LIN7A: variants seen among roughly 807,000 people sequenced by gnomAD.
LIN7A encodes lin-7 cell polarity scaffold A, also known as protein lin-7 homolog A.
Under a neutral mutation model 29.8 loss-of-function variants are expected in LIN7A, and 25 were observed. The ratio of observed to expected loss-of-function variants is 0.84; its 90% confidence interval spans 0.61 to 1.17. The LOEUF (loss-of-function observed/expected upper bound fraction) is 1.17, where lower values mean the gene tolerates loss of function less well. Among genes scored for constraint, LIN7A ranks in the 50% most tolerant of loss-of-function variants. The pLI is 0.00. For missense variants in LIN7A, 239 were observed against 287.0 expected, an observed-to-expected ratio of 0.83 and a Z score of 1.21; for synonymous variants, 118 against 107.5, an observed-to-expected ratio of 1.10 and a Z score of -0.60.
At chr12:80,893,722 T>C (rs1875742812) in intron 1 of LIN7A, among the ~76,000 whole-genome samples, 1 of 152,182 alleles carries the variant, frequency 6.6e-6, no homozygotes, top group Non-Finnish European at 1.5e-5. Flanking sequence ...AGCATCTCTT[T>C]CCTCGTGGCA....
In LIN7A at chr12:80,881,723, T is replaced by G. The variant is rs576850457; in HGVS notation, c.201+7528A>C. On this transcript the variant is annotated intron_variant, in intron 2 of 5. Transcript: ENST00000552864. ...CTGTATATGATCTTTAACTAAAATA[T>G]CCCTTTTATAACGTGATCTGAAATA... Among the ~76,000 whole-genome samples the G allele has an allele frequency of 3.3e-5, 5 of 152,242 alleles. No homozygotes were observed. In the East Asian group the frequency reaches 9.7e-4, roughly 29 times the overall value.
chr12:80,827,731 A>AC (rs1482212228), intron 4 of LIN7A, among the ~76,000 whole-genome samples: 2 of 151,494 alleles, frequency 1.3e-5, no homozygotes, highest in African/African-American at 2.4e-5. Context: ...TGTTTTAATA[A>AC]CCCCCCACCC....
In LIN7A at chr12:80,848,313, A is replaced by G; in HGVS notation, c.211T>C (p.Tyr71His). The G allele has an allele frequency of 6.2e-7, 1 of 1,608,004 alleles. No homozygotes were observed. The highest frequency in any genetic ancestry group is 1.1e-5 in the South Asian group (1 of 90,962). ...FCTAIREVYQ[Y>H]MHETITVNGC... ...TTAACAGTTATCGTTTCATGCATAT[A>G]TTGATACACCTAAAATGTTCACATA... The change falls in exon 3 of 6, where the codon TAT becomes CAT. Residue 71 changes from tyrosine (Y) to histidine (H), a missense_variant. Transcript: ENST00000552864.
chr12:80,905,300 C>T (rs1876421081), intron 1 of LIN7A, among the ~76,000 whole-genome samples: 1 of 152,078 alleles, frequency 6.6e-6, no homozygotes, highest in Non-Finnish European at 1.5e-5. Context: ...AGCAATTCTC[C>T]TGTCTCAGCC....
intron 4 of LIN7A, chr12:80,842,264 G>A (rs2121544733): frequency 2.2e-6 from 1 of 454,746 alleles, no homozygotes; most frequent in South Asian, 3.6e-5. Flanking sequence ...ATATATTTCT[G>A]TCCTATTTAA....
chr12:80,899,004 T>A (rs1323036163), intron 1 of LIN7A, among the ~76,000 whole-genome samples: 1 of 151,952 alleles, frequency 6.6e-6, no homozygotes. Flanking sequence ...TTGCTCGGGC[T>A]AATCCAGTAC....
intron 5 of LIN7A, among the ~76,000 whole-genome samples, chr12:80,801,380 G>T (rs1042387035): frequency 6.6e-6 from 1 of 152,062 alleles, no homozygotes; most frequent in African/African-American, 2.4e-5. Flanking sequence ...TTCCACTACC[G>T]CTACTCGTTT....
chr12:80,875,595 T>G (rs1565910901), intron 2 of LIN7A, among the ~76,000 whole-genome samples: 3 of 152,220 alleles, frequency 2.0e-5, no homozygotes, highest in Non-Finnish European at 1.5e-5. Flanking sequence ...AATGTTAGCA[T>G]GTTTTGTCTG....
In LIN7A at chr12:80,812,498, A is replaced by C. The variant is rs149881243; in HGVS notation, c.484-815T>G. ...AAAGGCAAACCAGAAAAACAGTTTC[A>C]GTATGTGACTGTCATATACTTAGTG... is the stretch of plus-strand genomic sequence containing the variant. On this transcript the variant is annotated intron_variant, in intron 4 of 5. Transcript: ENST00000552864. Among the ~76,000 whole-genome samples the C allele has an allele frequency of 2.2e-3, 331 of 149,306 alleles. 2 individuals carry two copies. The highest frequency in any genetic ancestry group is 7.7e-3 in the African/African-American group (313 of 40,808).
intron 4 of LIN7A, among the ~76,000 whole-genome samples, chr12:80,833,695 T>C (rs1334428667): frequency 6.6e-6 from 1 of 152,240 alleles, no homozygotes; most frequent in Non-Finnish European, 1.5e-5. Context: ...GTTTCTTATA[T>C]GTTTCTGTAG....
chr12:80,852,915 C>T (rs192193260), intron 2 of LIN7A, among the ~76,000 whole-genome samples: 10 of 152,226 alleles, frequency 6.6e-5, no homozygotes, highest in African/African-American at 1.9e-4. Flanking sequence ...GCGTTACTCT[C>T]GTGGTGCAAG....
At position 80,797,024 on chromosome 12, in the gene LIN7A, A is replaced by C. The variant is rs149096496; in HGVS notation, c.*703T>G. On this transcript the variant is annotated 3_prime_UTR_variant, in exon 6 of 6. Coordinates refer to ENST00000552864, the MANE Select transcript of LIN7A (RefSeq NM_004664.4). ...GTTGGAATTAATAATAATAGATACA[A>C]GCAATAATTAAAAACTACAGTGCTA... is the stretch of plus-strand genomic sequence containing the variant. 21 of 152,282 alleles carry C rather than the reference A, an allele frequency of 1.4e-4. No individual in the cohort carries two copies. Among genetic ancestry groups the C allele is most frequent in the Admixed American group, 4.6e-4 (7 of 15,300 alleles). 9.4% of individuals were successfully genotyped at this position (152,282 alleles called of 1,614,324 possible). A position where few individuals can be genotyped will look rare whatever the true frequency, so the allele number is the denominator to read the frequency against.
chr12:80,836,591 T>C (rs1476543507), intron 4 of LIN7A, among the ~76,000 whole-genome samples: 6 of 151,880 alleles, frequency 4.0e-5, no homozygotes, highest in Non-Finnish European at 8.8e-5. Context: ...GGAGGCAGAG[T>C]TTGCAGTGAG....
At chr12:80,906,346 T>C (rs1248781721) in intron 1 of LIN7A, among the ~76,000 whole-genome samples, 1 of 152,248 alleles carries the variant, frequency 6.6e-6, no homozygotes, top group Non-Finnish European at 1.5e-5. Flanking sequence ...GGGCTTTAAC[T>C]AGCAGCAAGT....
At chr12:80,902,324 T>C (rs1305759254) in intron 1 of LIN7A, among the ~76,000 whole-genome samples, 1 of 151,976 alleles carries the variant, frequency 6.6e-6, no homozygotes, top group Non-Finnish European at 1.5e-5. Context: ...TCTTTTTGCT[T>C]AGGATTGCTT....
intron 2 of LIN7A, among the ~76,000 whole-genome samples, chr12:80,868,148 G>GATAAAGTT (rs1874236178): frequency 5.9e-5 from 9 of 152,112 alleles, no homozygotes; most frequent in Non-Finnish European, 1.2e-4. Context: ...GTTGCCTCCC[G>GATAAAGTT]CAAGAGTGTA....
intron 2 of LIN7A, among the ~76,000 whole-genome samples, chr12:80,877,738 A>T (rs917228730): frequency 2.0e-5 from 3 of 152,194 alleles, no homozygotes; most frequent in African/African-American, 7.2e-5. Context: ...AATAACAGCA[A>T]ACTGGCTTAA....
rs1870505375 is a variant in LIN7A at position 80,797,506 on chromosome 12, TGGAAG to T, written c.*216_*220del. On this transcript the variant is annotated 3_prime_UTR_variant, in exon 6 of 6. Coordinates refer to ENST00000552864, the MANE Select transcript of LIN7A (RefSeq NM_004664.4). Reference sequence around the variant, plus strand: ...CACTGAGAATTCCCACTGCAGTGAATGGAAGGTCAATGTATGTAAAGCCCACGTGA... The same window carrying T: ...CACTGAGAATTCCCACTGCAGTGAATGTCAATGTATGTAAAGCCCACGTGA... 6.6e-6 allele frequency: 1 copy of T among 152,610 alleles called. No individual in the cohort carries two copies. The highest frequency in any genetic ancestry group is 1.5e-5 in the Non-Finnish European group (1 of 68,040). The allele number at this position is 152,610 out of a possible 1,614,324, so 9.5% of individuals were successfully genotyped here.
intron 2 of LIN7A, among the ~76,000 whole-genome samples, chr12:80,883,329 T>C (rs1398333204): frequency 6.6e-6 from 1 of 152,232 alleles, no homozygotes; most frequent in Non-Finnish European, 1.5e-5. Context: ...TTCTATGTTT[T>C]CATCCACACA....
Sources: gnomAD v4.1 joint callset for allele counts (sites outside exome capture counted in the v4.1 genomes callset) on GRCh38, gnomAD v4.1.1 for gene constraint, MANE v1.5 for transcripts, NCBI Gene and HGNC (gene_info 2026-07-23, HGNC 2026-07-21) for gene names.